Variants in CNTNAP2 observed in about 807,000 individuals in gnomAD.
CNTNAP2 encodes the protein contactin-associated protein-like 2.
In CNTNAP2, 98 loss-of-function variants were observed where a neutral mutation model predicts 155.2. The observed-to-expected ratio is 0.63, with a 90% CI of 0.54 to 0.75. The LOEUF (loss-of-function observed/expected upper bound fraction) is 0.75, where lower values mean the gene tolerates loss of function less well. Among genes scored for constraint, CNTNAP2 ranks in the 30% least tolerant of loss-of-function variants. CNTNAP2 has a pLI of 0.00. For synonymous variants in CNTNAP2, 651 were observed against 631.2 expected (o/e 1.03, Z -0.47); for missense variants, 1,727 against 1,688.1 (o/e 1.02, Z -0.40).
At chr7:146,238,194 G>T (rs939221482) in intron 1 of CNTNAP2, among the ~76,000 whole-genome samples, 3 of 152,158 alleles carry the variant, frequency 2.0e-5, no homozygotes, top group Admixed American at 1.3e-4. Flanking sequence ...TTTTCATAAA[G>T]CTCTTCTCTT....
At chr7:147,506,499 C>A (rs896043578) in intron 11 of CNTNAP2, among the ~76,000 whole-genome samples, 1 of 152,202 alleles carries the variant, frequency 6.6e-6, no homozygotes, top group Non-Finnish European at 1.5e-5. Flanking sequence ...AGGCAATCCA[C>A]CTGCCTCGGC....
chr7:147,866,131 C>A lies in CNTNAP2; in HGVS notation c.2099-37434C>A, dbSNP rs1196171817. ...GATTCTGGTACGTTGTGTCTTTGTT[C>A]TCATTGGTTTCAAAGAACATCTTTA... On this transcript the variant is annotated intron_variant, in intron 13 of 23. Coordinates refer to ENST00000361727, the MANE Select transcript of CNTNAP2 (RefSeq NM_014141.6). Among the ~76,000 whole-genome samples the A allele has an allele frequency of 1.3e-5, 2 of 152,160 alleles. 1 individual carries two copies. Among genetic ancestry groups the A allele is most frequent in the East Asian group, 3.8e-4 (2 of 5,198 alleles).
At chr7:147,211,940 A>C (rs111874228) in intron 8 of CNTNAP2, among the ~76,000 whole-genome samples, 68 of 152,190 alleles carry the variant, frequency 4.5e-4, no homozygotes, top group African/African-American at 1.6e-3. Flanking sequence ...GACAAAAGAC[A>C]TGAACAGATG....
At chr7:147,765,312 C>A (rs1375847988) in intron 13 of CNTNAP2, among the ~76,000 whole-genome samples, 1 of 152,106 alleles carries the variant, frequency 6.6e-6, no homozygotes, top group Non-Finnish European at 1.5e-5. Flanking sequence ...TGTACCCCTA[C>A]CAGTGCCCAT....
chr7:147,263,818 A>G (rs958326116), intron 8 of CNTNAP2, among the ~76,000 whole-genome samples: 1 of 152,178 alleles, frequency 6.6e-6, no homozygotes, highest in Non-Finnish European at 1.5e-5. Flanking sequence ...TCATTTCTCC[A>G]TCTCCCTAAA....
intron 21 of CNTNAP2, among the ~76,000 whole-genome samples, chr7:148,347,466 A>T (rs1300212523): frequency 3.3e-5 from 5 of 152,202 alleles, no homozygotes; most frequent in Non-Finnish European, 5.9e-5. Context: ...TATTCCTACC[A>T]TATATGCCCC....
chr7:147,065,852 G>T (rs1010226455), intron 4 of CNTNAP2, among the ~76,000 whole-genome samples: 2 of 151,990 alleles, frequency 1.3e-5, no homozygotes, highest in Non-Finnish European at 2.9e-5. Flanking sequence ...ATATATTTCT[G>T]ATTTTACTTA....
intron 8 of CNTNAP2, among the ~76,000 whole-genome samples, chr7:147,230,223 A>C (rs6968736): frequency 0.44 from 66,707 of 151,776 alleles, 15,085 homozygotes; most frequent in African/African-American, 0.48. Flanking sequence ...TCAAAGCCTC[A>C]GTTACATTTT....
At chr7:147,202,638 T>A (rs1404776918) in intron 8 of CNTNAP2, among the ~76,000 whole-genome samples, 1 of 152,018 alleles carries the variant, frequency 6.6e-6, no homozygotes, top group Non-Finnish European at 1.5e-5. Flanking sequence ...TGAGTTCACA[T>A]CCTTTGCAGG....
intron 21 of CNTNAP2, among the ~76,000 whole-genome samples, chr7:148,291,674 T>TTGA: frequency 6.6e-6 from 1 of 152,250 alleles, no homozygotes; most frequent in Non-Finnish European, 1.5e-5. Context: ...CATCCTTCAG[T>TTGA]CCAATCAAGT....
chr7:147,498,940 G>A (rs1401008466), intron 11 of CNTNAP2, among the ~76,000 whole-genome samples: 2 of 144,976 alleles, frequency 1.4e-5, no homozygotes, highest in Admixed American at 6.7e-5. Flanking sequence ...AGTTTCACAT[G>A]TGGTAATAAA....
chr7:146,691,171 A>C (rs1423293079), intron 1 of CNTNAP2, among the ~76,000 whole-genome samples: 1 of 151,610 alleles, frequency 6.6e-6, no homozygotes, highest in Non-Finnish European at 1.5e-5. Context: ...CCATTGGGTA[A>C]TCACCTTCTT....
At chr7:147,073,006 C>T (rs1799926230) in intron 4 of CNTNAP2, among the ~76,000 whole-genome samples, 1 of 151,456 alleles carries the variant, frequency 6.6e-6, no homozygotes, top group Admixed American at 6.6e-5. Context: ...GCACCCGCCA[C>T]CACGCCCGGC....
At chr7:147,628,235 G>T (rs1795022039) in intron 12 of CNTNAP2, among the ~76,000 whole-genome samples, 1 of 152,124 alleles carries the variant, frequency 6.6e-6, no homozygotes. Context: ...TGGGACAAAA[G>T]TATCAGATAA....
intron 21 of CNTNAP2, among the ~76,000 whole-genome samples, chr7:148,284,216 A>C (rs1918294): frequency 0.54 from 81,887 of 150,900 alleles, 23,658 homozygotes; most frequent in East Asian, 0.75. Context: ...TGTAGCTCCC[A>C]TAATTCCCAC....
At chr7:148,153,191 G>A (rs558337880) in intron 17 of CNTNAP2, among the ~76,000 whole-genome samples, 2 of 151,374 alleles carry the variant, frequency 1.3e-5, no homozygotes, top group South Asian at 2.1e-4. Flanking sequence ...CTTTGCAAAG[G>A]TGGTGTCATT....
chr7:146,636,509 T>A (rs1466337535), intron 1 of CNTNAP2, among the ~76,000 whole-genome samples: 1 of 152,190 alleles, frequency 6.6e-6, no homozygotes, highest in South Asian at 2.1e-4. Context: ...TATAATTCTG[T>A]GTTTAAATAA....
intron 1 of CNTNAP2, among the ~76,000 whole-genome samples, chr7:146,258,330 G>A (rs953457303): frequency 6.6e-6 from 1 of 152,012 alleles, no homozygotes; most frequent in African/African-American, 2.4e-5. Context: ...TGGATACTAA[G>A]CCTCACAGCA....
chr7:147,377,193 T>G (rs1796450157), intron 9 of CNTNAP2, among the ~76,000 whole-genome samples: 1 of 151,392 alleles, frequency 6.6e-6, no homozygotes, highest in South Asian at 2.1e-4. Flanking sequence ...CTACAATTGC[T>G]TTGAAATGTA....
Sources: gnomAD v4.1 joint callset for allele counts (sites outside exome capture counted in the v4.1 genomes callset) on GRCh38, gnomAD v4.1.1 for gene constraint, MANE v1.5 for transcripts, NCBI Gene and HGNC (gene_info 2026-07-23, HGNC 2026-07-21) for gene names.